The following CCDC198 variants were observed in gnomAD, a reference collection of about 807,000 sequenced individuals.
The protein encoded by CCDC198 is factor associated with metabolism and energy.
CCDC198 carries 18 observed loss-of-function variants against 35.6 expected under a neutral mutation model. The ratio of observed to expected loss-of-function variants is 0.51; its 90% CI spans 0.35 to 0.75. The LOEUF (loss-of-function observed/expected upper bound fraction) is 0.75. Among genes scored for constraint, CCDC198 ranks in the 30% least tolerant of loss-of-function variants. CCDC198 has a pLI of 0.01. For synonymous variants in CCDC198, 119 were observed against 113.4 expected (o/e 1.05, Z -0.31); for missense variants, 365 against 343.7 (o/e 1.06, Z -0.49).
At chr14:57,487,390 G>T (rs976682174) in intron 2 of CCDC198, among the ~76,000 whole-genome samples, 1 of 152,048 alleles carries the variant, frequency 6.6e-6, no homozygotes. Flanking sequence ...GGTCAGGGTG[G>T]GTCTTATAGG....
At chr14:57,476,616 G>C (rs371049438) in intron 5 of CCDC198, among the ~76,000 whole-genome samples, 2 of 152,192 alleles carry the variant, frequency 1.3e-5, no homozygotes, top group East Asian at 1.9e-4. Context: ...CATGTAAAGC[G>C]TGGGAGATTT....
Position 57,471,207 on chromosome 14 carries a change from A to T in CCDC198, c.*148T>A. Reference sequence around the variant, plus strand: ...CAATAGTTAACAGCACATGTGACGGACTTGTTAATCATAAGACTCTAAAGA... The same window carrying T: ...CAATAGTTAACAGCACATGTGACGGTCTTGTTAATCATAAGACTCTAAAGA... On this transcript the variant is annotated 3_prime_UTR_variant, in exon 6 of 6. Transcript: ENST00000216445. The T allele has an allele frequency of 1.6e-6, 1 of 615,582 alleles. No individual in the cohort carries two copies. Among genetic ancestry groups the T allele is most frequent in the Non-Finnish European group, 2.8e-6 (1 of 357,330 alleles). The allele number at this position is 615,582 out of a possible 1,614,324, so 38.1% of individuals were successfully genotyped here. A position where few individuals can be genotyped will look rare whatever the true frequency, so the allele number is the denominator to read the frequency against.
intron 2 of CCDC198, among the ~76,000 whole-genome samples, chr14:57,489,905 G>C (rs2067502506): frequency 6.6e-6 from 1 of 152,044 alleles, no homozygotes. Flanking sequence ...TGTTTACCTA[G>C]AGGATTTGTA....
At chr14:57,480,166 G>T in intron 5 of CCDC198, 1 of 520,762 alleles carries the variant, frequency 1.9e-6, no homozygotes, top group Non-Finnish European at 2.5e-6. Flanking sequence ...AAAGAGAGTT[G>T]ACCTCCACAG....
intron 2 of CCDC198, among the ~76,000 whole-genome samples, chr14:57,489,951 CATTTT>C (rs887392686): frequency 6.6e-6 from 1 of 152,058 alleles, no homozygotes; most frequent in African/African-American, 2.4e-5. Context: ...TGTTATATTT[CATTTT>C]ATTTTTCTTT....
chr14:57,477,347 G>A (rs1026098290), intron 5 of CCDC198, among the ~76,000 whole-genome samples: 1 of 152,140 alleles, frequency 6.6e-6, no homozygotes, highest in African/African-American at 2.4e-5. Flanking sequence ...TTCAGCAATA[G>A]GCAAGTGAGT....
chr14:57,484,089 G>A (rs1329617676), intron 2 of CCDC198, among the ~76,000 whole-genome samples: 4 of 152,180 alleles, frequency 2.6e-5, no homozygotes, highest in Non-Finnish European at 5.9e-5. Context: ...CATAACTGAA[G>A]GACTCCACCT....
intron 5 of CCDC198, chr14:57,475,819 T>G (rs1326952499): frequency 3.7e-6 from 1 of 271,232 alleles, no homozygotes; most frequent in East Asian, 1.2e-4. Flanking sequence ...TTTTTTTTTT[T>G]GAGACAGAGT....
chr14:57,490,786 G>C (rs2067537761), intron 2 of CCDC198, among the ~76,000 whole-genome samples: 1 of 152,022 alleles, frequency 6.6e-6, no homozygotes, highest in African/African-American at 2.4e-5. Flanking sequence ...GCTTCTTTCG[G>C]TGGCTGGTCT....
chr14:57,493,481 T>C lies in CCDC198; in HGVS notation c.223+12A>G. The stretch of plus-strand genomic sequence containing the variant: ...CCAGATACACACATCTCATGCTGGG[T>C]TTTATGTTTACCTGTAGAATATCTT... On this transcript the variant is annotated intron_variant, in intron 1 of 5. Transcript: ENST00000216445. 2 of 1,605,766 alleles carry C rather than the reference T, an allele frequency of 1.2e-6. No individual in the cohort carries two copies. The highest frequency in any genetic ancestry group is 2.2e-5 in the South Asian group (2 of 90,896).
chr14:57,474,107 C>T (rs1264979098), intron 5 of CCDC198, among the ~76,000 whole-genome samples: 1 of 152,184 alleles, frequency 6.6e-6, no homozygotes, highest in African/African-American at 2.4e-5. Context: ...TTAAACATCT[C>T]TTTGTTAAAA....
chr14:57,484,787 A>T (rs1183188915), intron 2 of CCDC198, among the ~76,000 whole-genome samples: 1 of 152,188 alleles, frequency 6.6e-6, no homozygotes, highest in Admixed American at 6.5e-5. Flanking sequence ...CAATGAGAAG[A>T]CACTGACATG....
At position 57,478,416 on chromosome 14, in the gene CCDC198, T is replaced by C. The variant is rs1429264727; in HGVS notation, c.655+2179A>G. ...TGAGAATTAAAAGAGATAATGCATA[T>C]TAAAGGCAAACCACAGTACCTGGCT... On this transcript the variant is annotated intron_variant, in intron 5 of 5. Transcript: ENST00000216445. The C allele has an allele frequency of 4.1e-6, 4 of 966,822 alleles. No individual in the cohort carries two copies. The East Asian group carries it at 3.4e-4, about 83-fold the overall frequency. The allele number at this position is 966,822 out of a possible 1,614,324, so 59.9% of individuals were successfully genotyped here.
chr14:57,493,664 A>G lies in CCDC198; in HGVS notation c.52T>C (p.Leu18=), dbSNP rs369469310. ...THLRVIKVAP[L]QNKEVETPSA... ...GGAGTCTCTACCTCTTTGTTTTGCA[A>G]AGGTGCTACTTTGATCACCCTAAGG... Residue 18 remains leucine (L), a synonymous_variant, in exon 1 of 6, where the codon TTG becomes CTG. Coordinates refer to ENST00000216445, the MANE Select transcript of CCDC198 (RefSeq NM_018168.4). 8.7e-6 allele frequency: 14 copies of G among 1,613,746 alleles called. No individual in the cohort carries two copies. The African/African-American group carries it at 1.1e-4, about 12-fold the overall frequency.
chr14:57,472,135 T>C (rs1046218478), intron 5 of CCDC198, among the ~76,000 whole-genome samples: 1 of 152,176 alleles, frequency 6.6e-6, no homozygotes, highest in Non-Finnish European at 1.5e-5. Context: ...TAACTACTTT[T>C]TATTTGCTGT....
intron 5 of CCDC198, 25 bp from the exon 6 acceptor site, chr14:57,471,615 A>AT (rs761243617): frequency 3.5e-5 from 47 of 1,336,934 alleles, no homozygotes; most frequent in Non-Finnish European, 4.7e-5. Flanking sequence ...AGTTTCTTTA[A>AT]TTTTTTCCCT....
In CCDC198 at chr14:57,480,641, A is replaced by G. The variant is rs773239839; in HGVS notation, c.609T>C (p.His203=). ...TLQSTPRNDD[H]DLLTMLPDEI... is the part of the protein sequence containing the mutation. ...CATCAGGCAACATGGTTAGAAGGTCATGGTCATCATTCCTTGGGGTGCTTT... is the reference window on the plus strand; with the variant it reads ...CATCAGGCAACATGGTTAGAAGGTCGTGGTCATCATTCCTTGGGGTGCTTT... The change falls in exon 5 of 6, where the codon CAT becomes CAC. Residue 203 remains histidine, a synonymous_variant. Transcript: ENST00000216445. The G allele has an allele frequency of 6.2e-7, 1 of 1,614,162 alleles. No individual in the cohort carries two copies. Among genetic ancestry groups the G allele is most frequent in the South Asian group, 1.1e-5 (1 of 91,080 alleles).
rs2067651978 is a variant in CCDC198 at position 57,493,616 on chromosome 14, C to G, written c.100G>C (p.Ala34Pro). 1 of 1,613,980 alleles carries G rather than the reference C, an allele frequency of 6.2e-7. No homozygotes were observed. Among genetic ancestry groups the G allele is most frequent in the East Asian group, 2.2e-5 (1 of 44,878 alleles). Residue 34 changes from alanine to proline, a missense_variant, in exon 1 of 6, where the codon GCA becomes CCA. By Grantham distance (27) the Ala-to-Pro change is conservative. Coordinates refer to ENST00000216445, the MANE Select transcript of CCDC198 (RefSeq NM_018168.4). ...ETPSAGRVDF[A>P]FNQNLEEKTS... ...TTTTCTTCCAAATTCTGATTGAATG[C>G]AAAGTCCACACGGCCAGCCGAGGGA...
chr14:57,484,041 AG>A (rs1158451966), intron 2 of CCDC198, among the ~76,000 whole-genome samples: 13 of 152,196 alleles, frequency 8.5e-5, no homozygotes, highest in Non-Finnish European at 1.9e-4. Flanking sequence ...AAAAACCTGC[AG>A]GGCAGAAAAA....
Sources: allele counts gnomAD v4.1 joint callset (sites outside exome capture counted in the v4.1 genomes callset), GRCh38; gene constraint gnomAD v4.1.1; transcripts MANE v1.5; gene names NCBI Gene and HGNC (gene_info 2026-07-23, HGNC 2026-07-21).